PTPRD: variants seen among roughly 807,000 people sequenced by gnomAD.
PTPRD encodes receptor-type tyrosine-protein phosphatase delta.
Under a neutral mutation model 214.5 loss-of-function variants are expected in PTPRD, and 34 were observed. The ratio of observed to expected loss-of-function variants is 0.16; its 90% CI spans 0.12 to 0.21. The LOEUF is 0.21. Ranked by LOEUF, PTPRD falls within the 10% of genes least tolerant of loss-of-function variation. The pLI, the probability that PTPRD is intolerant of heterozygous loss-of-function variation, is 1.00. For synonymous variants in PTPRD, 1,128 were observed against 845.7 expected, an observed-to-expected ratio of 1.33 and a Z score of -5.79; for missense variants, 2,545 against 2,398.7, an observed-to-expected ratio of 1.06 and a Z score of -1.27.
At chr9:9,163,902 T>C (rs908213113) in intron 10 of PTPRD, among the ~76,000 whole-genome samples, 5 of 152,136 alleles carry the variant, frequency 3.3e-5, no homozygotes, top group African/African-American at 9.7e-5. Context: ...CACCCCTCTT[T>C]TCTATTTGAT....
At chr9:9,643,763 T>C (rs976964851) in intron 7 of PTPRD, among the ~76,000 whole-genome samples, 5 of 152,254 alleles carry the variant, frequency 3.3e-5, no homozygotes, top group Admixed American at 3.3e-4. Flanking sequence ...TGTTCTTAGA[T>C]AATAGTTCCT....
intron 2 of PTPRD, among the ~76,000 whole-genome samples, chr9:10,487,676 G>C (rs2099141473): frequency 6.6e-6 from 1 of 151,894 alleles, no homozygotes; most frequent in Admixed American, 6.6e-5. Flanking sequence ...CACAGGGAGG[G>C]GAATGACACA....
chr9:8,373,902 CTATCTAT>C (rs1564369040), intron 39 of PTPRD, among the ~76,000 whole-genome samples: 24 of 111,016 alleles, frequency 2.2e-4, no homozygotes, highest in Admixed American at 1.4e-3. Flanking sequence ...ATCTATCTAT[CTATCTAT>C]CTATCTACCT....
chr9:10,552,820 C>G (rs1410929212), intron 2 of PTPRD, among the ~76,000 whole-genome samples: 2 of 152,082 alleles, frequency 1.3e-5, no homozygotes, highest in Non-Finnish European at 2.9e-5. Flanking sequence ...ATGGCAACAG[C>G]ACAGGTTGAG....
At chr9:9,703,255 C>T (rs1459061473) in intron 7 of PTPRD, among the ~76,000 whole-genome samples, 3 of 152,106 alleles carry the variant, frequency 2.0e-5, no homozygotes, top group Admixed American at 1.3e-4. Context: ...TTCCAGAGGC[C>T]TTCCTAGCCA....
chr9:9,948,953 T>C (rs986043016), intron 4 of PTPRD, among the ~76,000 whole-genome samples: 1 of 151,950 alleles, frequency 6.6e-6, no homozygotes, highest in Non-Finnish European at 1.5e-5. Flanking sequence ...AATATTACAG[T>C]GCAATGAGAA....
intron 12 of PTPRD, among the ~76,000 whole-genome samples, chr9:8,729,712 T>A (rs2098634050): frequency 6.6e-6 from 1 of 152,278 alleles, no homozygotes; most frequent in South Asian, 2.1e-4. Flanking sequence ...TATGGGAAAC[T>A]GAGGCTAAAA....
chr9:8,339,121 C>T, intron 42 of PTPRD, 74 bp from the exon 43 acceptor site: 1 of 1,354,874 alleles, frequency 7.4e-7, no homozygotes, highest in Non-Finnish European at 9.8e-7. Flanking sequence ...ATCTATCTAT[C>T]TAATCTATCT....
rs560741915 is a variant in PTPRD at position 10,239,630 on chromosome 9, C to A, written c.-545+101333G>T. 1.3e-5 allele frequency among the ~76,000 whole-genome samples: 2 copies of A among 151,494 alleles called. 1 individual carries two copies. Among genetic ancestry groups the A allele is most frequent in the South Asian group, 4.2e-4 (2 of 4,802 alleles). On this transcript the variant is annotated intron_variant, in intron 3 of 45. Transcript: ENST00000381196. ...GTGATAGCAGAATAATAATAATGAA[C>A]GTTTTATTATGCATATCATTGCTGA... is the stretch of plus-strand genomic sequence containing the variant.
intron 9 of PTPRD, among the ~76,000 whole-genome samples, chr9:9,275,057 A>T (rs1303544739): frequency 1.5e-5 from 1 of 65,954 alleles, no homozygotes; most frequent in Non-Finnish European, 2.9e-5. Context: ...ATATATATGT[A>T]TATATATATT....
chr9:8,358,936 T>A (rs2077645304), intron 39 of PTPRD, among the ~76,000 whole-genome samples: 1 of 150,146 alleles, frequency 6.7e-6, no homozygotes, highest in Admixed American at 6.6e-5. Context: ...TGAAACCCCG[T>A]CTCTACTAAA....
intron 11 of PTPRD, among the ~76,000 whole-genome samples, chr9:8,779,349 A>G (rs1321424560): frequency 1.3e-5 from 2 of 151,574 alleles, no homozygotes; most frequent in Non-Finnish European, 2.9e-5. Context: ...TCCTTTAGAG[A>G]TGAAAACATC....
At chr9:8,692,126 T>TA (rs2097819857) in intron 12 of PTPRD, among the ~76,000 whole-genome samples, 1 of 152,090 alleles carries the variant, frequency 6.6e-6, no homozygotes, top group Admixed American at 6.6e-5. Flanking sequence ...AATTTATAAA[T>TA]AAAAGATTTT....
intron 9 of PTPRD, among the ~76,000 whole-genome samples, chr9:9,381,708 GTTT>G (rs1413113256): frequency 1.1e-5 from 1 of 87,552 alleles, no homozygotes; most frequent in African/African-American, 4.1e-5. Context: ...TTTGTTTTTT[GTTT>G]TTGTTTTTTT....
chr9:9,710,047 TA>T lies in PTPRD; in HGVS notation c.-287+24485del, dbSNP rs770135914. Among the ~76,000 whole-genome samples the T allele has an allele frequency of 1.9e-3, 287 of 147,574 alleles. 2 individuals carry two copies. The highest frequency in any genetic ancestry group is 4.9e-3 in the African/African-American group (199 of 40,618). The stretch of plus-strand genomic sequence containing the variant: ...TTTTTAAAAGCAGATTTTGTTTCTT[TA>T]AAAAAAAAAATAGAATAGGTCTCTG... On this transcript the variant is annotated intron_variant, in intron 7 of 45. Transcript: ENST00000381196.
At chr9:10,004,294 C>G (rs970041819) in intron 4 of PTPRD, among the ~76,000 whole-genome samples, 3 of 151,760 alleles carry the variant, frequency 2.0e-5, no homozygotes, top group Non-Finnish European at 4.4e-5. Flanking sequence ...ATTAAAGCCA[C>G]ATTTTGAATG....
intron 11 of PTPRD, among the ~76,000 whole-genome samples, chr9:8,846,955 G>A (rs1975197): frequency 0.16 from 24,466 of 151,970 alleles, 2,187 homozygotes; most frequent in East Asian, 0.31. Context: ...AAGCAACTAC[G>A]GTGAGGTCAA....
intron 3 of PTPRD, among the ~76,000 whole-genome samples, chr9:10,136,559 TTAA>T (rs2098945432): frequency 2.9e-5 from 4 of 139,878 alleles, no homozygotes; most frequent in East Asian, 4.3e-4. Context: ...ATGATAAAAA[TTAA>T]AGATTTAAAC....
chr9:9,616,398 C>T (rs1417469281), intron 7 of PTPRD, among the ~76,000 whole-genome samples: 4 of 152,038 alleles, frequency 2.6e-5, no homozygotes, highest in East Asian at 1.9e-4. Context: ...TGAATCTTAT[C>T]GCAACAAAAG....
Sources: gnomAD v4.1 joint callset for allele counts (sites outside exome capture counted in the v4.1 genomes callset) on GRCh38, gnomAD v4.1.1 for gene constraint, MANE v1.5 for transcripts, NCBI Gene and HGNC (gene_info 2026-07-23, HGNC 2026-07-21) for gene names.